The following GRM7 variants were observed in gnomAD, a reference collection of about 807,000 sequenced individuals.
The protein encoded by GRM7 is metabotropic glutamate receptor 7.
A neutral mutation model predicts 84.5 loss-of-function variants in GRM7; 35 were observed. That is an observed-to-expected ratio of 0.41 (90% CI 0.32 to 0.55). The LOEUF (loss-of-function observed/expected upper bound fraction) is 0.55. Ranked by LOEUF, GRM7 falls within the 20% of genes least tolerant of loss-of-function variation. GRM7 has a pLI of 0.19. For missense variants in GRM7, 1,003 were observed against 1,194.6 expected, an observed-to-expected ratio of 0.84 and a Z score of 2.36; for synonymous variants, 487 against 455.1, an observed-to-expected ratio of 1.07 and a Z score of -0.89.
At chr3:6,912,578 C>T (rs1696808904) in intron 1 of GRM7, among the ~76,000 whole-genome samples, 1 of 152,100 alleles carries the variant, frequency 6.6e-6, no homozygotes, top group African/African-American at 2.4e-5. Flanking sequence ...CCATACAGAT[C>T]AGCTGATTCT....
chr3:7,486,014 A>G lies in GRM7; in HGVS notation c.1515+24292A>G, dbSNP rs563745301. 2.4e-4 allele frequency among the ~76,000 whole-genome samples: 37 copies of G among 152,298 alleles called. No homozygotes were observed. The East Asian group carries it at 7.1e-3, about 29-fold the overall frequency. On this transcript the variant is annotated intron_variant, in intron 7 of 9. Coordinates refer to ENST00000357716, the MANE Select transcript of GRM7 (RefSeq NM_000844.4). This position sits in a 1 kb window ranked among gnomAD's most constrained non-coding sequence, Gnocchi z 5.5. ...TGTAAGGGCACATATATAAACAAAT[A>G]CAGTAAATGTGTATTTATTTACATA...
intron 1 of GRM7, among the ~76,000 whole-genome samples, chr3:6,923,614 GT>G (rs562566779): frequency 9.2e-5 from 14 of 152,154 alleles, no homozygotes; most frequent in South Asian, 2.1e-4. Flanking sequence ...CTATGATAGG[GT>G]TTTTTTCCCC....
intron 4 of GRM7, among the ~76,000 whole-genome samples, chr3:7,407,520 T>A (rs1695734210): frequency 6.6e-6 from 1 of 152,214 alleles, no homozygotes; most frequent in Non-Finnish European, 1.5e-5. Context: ...AACCTGCATT[T>A]ACTGAACCAT....
chr3:6,956,625 T>G (rs1158068449), intron 1 of GRM7: 1 of 456,596 alleles, frequency 2.2e-6, no homozygotes, highest in Non-Finnish European at 4.4e-6. Flanking sequence ...CAAAAGTAAG[T>G]TCAAGCTCAT....
intron 7 of GRM7, among the ~76,000 whole-genome samples, chr3:7,481,346 G>A (rs375202525): frequency 4.9e-4 from 75 of 152,210 alleles, no homozygotes; most frequent in Non-Finnish European, 7.5e-4. Flanking sequence ...TCCCGCCTCG[G>A]CCTCCCAAAG....
At chr3:7,705,426 A>G (rs76536740) in intron 9 of GRM7, among the ~76,000 whole-genome samples, 2 of 152,320 alleles carry the variant, frequency 1.3e-5, no homozygotes, top group East Asian at 1.9e-4. Context: ...GTGCAGGACT[A>G]TGGATCCACC....
chr3:7,179,120 T>C (rs1429541940), intron 2 of GRM7, among the ~76,000 whole-genome samples: 2 of 151,696 alleles, frequency 1.3e-5, no homozygotes, highest in Non-Finnish European at 2.9e-5. Flanking sequence ...AATAAAAAAA[T>C]GTTATCTTGG....
chr3:7,225,195 G>A (rs1696943049), intron 2 of GRM7, among the ~76,000 whole-genome samples: 1 of 151,588 alleles, frequency 6.6e-6, no homozygotes, highest in Non-Finnish European at 1.5e-5. Context: ...TAGGATTAAT[G>A]CATTATAAAT....
intron 4 of GRM7, among the ~76,000 whole-genome samples, chr3:7,401,735 T>C (rs1448457088): frequency 6.6e-6 from 1 of 152,176 alleles, no homozygotes; most frequent in African/African-American, 2.4e-5. Context: ...CATCATTGCA[T>C]CTCTCTAACT....
At chr3:7,202,582 C>T (rs1696102226) in intron 2 of GRM7, among the ~76,000 whole-genome samples, 1 of 152,140 alleles carries the variant, frequency 6.6e-6, no homozygotes, top group Non-Finnish European at 1.5e-5. Flanking sequence ...CTGCCCACCT[C>T]AACCTCCCAA....
intron 7 of GRM7, among the ~76,000 whole-genome samples, chr3:7,572,240 C>T (rs1694698914): frequency 6.6e-6 from 1 of 152,216 alleles, no homozygotes; most frequent in Non-Finnish European, 1.5e-5. Flanking sequence ...ACTTTGTCCA[C>T]ATACTGAAAT....
At chr3:6,963,621 G>A (rs1248180602) in intron 1 of GRM7, among the ~76,000 whole-genome samples, 1 of 152,062 alleles carries the variant, frequency 6.6e-6, no homozygotes, top group Non-Finnish European at 1.5e-5. Flanking sequence ...CTAAATAAAG[G>A]AAATTTTATC....
At chr3:7,246,112 A>T (rs1697749263) in intron 2 of GRM7, among the ~76,000 whole-genome samples, 1 of 152,150 alleles carries the variant, frequency 6.6e-6, no homozygotes, top group African/African-American at 2.4e-5. Flanking sequence ...TGACATGAGA[A>T]GCTGAACTTC....
intron 2 of GRM7, among the ~76,000 whole-genome samples, chr3:7,271,232 G>A (rs1377741216): frequency 6.6e-6 from 1 of 152,192 alleles, no homozygotes; most frequent in African/African-American, 2.4e-5. Context: ...TTGAAGTTAA[G>A]CTGCTTGGTT....
chr3:7,740,436 G>A lies in GRM7; in HGVS notation c.*30G>A, dbSNP rs568024868. 1.0e-5 allele frequency: 13 copies of A among 1,291,912 alleles called. No individual in the cohort carries two copies. Among genetic ancestry groups the A allele is most frequent in the Admixed American group, 2.1e-5 (1 of 47,592 alleles). The allele number at this position is 1,291,912 out of a possible 1,614,324, so 80.0% of individuals were successfully genotyped here. A position where few individuals can be genotyped will look rare whatever the true frequency, so the allele number is the denominator to read the frequency against. The stretch of plus-strand genomic sequence containing the variant: ...TTCCATTCCATGGAACCATGGAGGA[G>A]GAAGACCCTCAGTTATTTTGTCACC... On this transcript the variant is annotated 3_prime_UTR_variant, in exon 10 of 10. Transcript: ENST00000357716.
intron 1 of GRM7, among the ~76,000 whole-genome samples, chr3:7,085,578 C>G (rs1698428099): frequency 6.6e-6 from 1 of 152,078 alleles, no homozygotes; most frequent in Non-Finnish European, 1.5e-5. Flanking sequence ...ACTAGAATAA[C>G]TTTAGAGATA....
Position 7,052,211 on chromosome 3 carries a change from T to G in GRM7, c.520-94241T>G, listed in dbSNP as rs1221315264. Among the ~76,000 whole-genome samples the G allele has an allele frequency of 2.0e-5, 3 of 151,746 alleles. No homozygotes were observed. In the East Asian group the frequency reaches 5.8e-4, roughly 29 times the overall value. On this transcript the variant is annotated intron_variant, in intron 1 of 9. Transcript: ENST00000357716. The stretch of plus-strand genomic sequence containing the variant: ...TGTCTTTGAGCTTGATCATTTTCAT[T>G]TTTAAAGATTCCATGCTGGTAAAAA...
At chr3:6,930,318 A>G (rs1170771211) in intron 1 of GRM7, among the ~76,000 whole-genome samples, 1 of 152,226 alleles carries the variant, frequency 6.6e-6, no homozygotes, top group Non-Finnish European at 1.5e-5. Flanking sequence ...TCTGACATAG[A>G]CCATCCTAAA....
intron 1 of GRM7, among the ~76,000 whole-genome samples, chr3:6,944,121 C>T (rs1404762827): frequency 1.3e-5 from 2 of 151,974 alleles, no homozygotes; most frequent in African/African-American, 4.8e-5. Flanking sequence ...ATACCGTCTT[C>T]AAATAAAGAC....
Sources: gnomAD v4.1 joint callset for allele counts (sites outside exome capture counted in the v4.1 genomes callset) on GRCh38, gnomAD v4.1.1 for gene constraint, Gnocchi (gnomAD v3.1) non-coding constraint, MANE v1.5 for transcripts, NCBI Gene and HGNC (gene_info 2026-07-23, HGNC 2026-07-21) for gene names.